NR2F6: variants seen among roughly 807,000 people sequenced by gnomAD.
NR2F6 encodes the protein nuclear receptor subfamily 2 group F member 6.
NR2F6 carries 16 observed loss-of-function variants against 26.5 expected under a neutral mutation model. The ratio of observed to expected loss-of-function variants is 0.60; its 90% confidence interval spans 0.41 to 0.92. The LOEUF is 0.92. Ranked by LOEUF, NR2F6 falls within the 40% of genes least tolerant of loss-of-function variation. The pLI is 0.00. For missense variants in NR2F6, 536 were observed against 631.7 expected (o/e 0.85, Z 1.62); for synonymous variants, 325 against 305.0 (o/e 1.07, Z -0.68).
chr19:17,236,335 G>T (rs954087747), intron 2 of NR2F6, among the ~76,000 whole-genome samples: 1 of 150,874 alleles, frequency 6.6e-6, no homozygotes, highest in African/African-American at 2.4e-5. Context: ...AGAATAACGG[G>T]AAAGGGAGAC....
chr19:17,244,119 G>C (rs893115758), intron 1 of NR2F6: 1 of 152,274 alleles, frequency 6.6e-6, no homozygotes. Flanking sequence ...TGCCAGAGAG[G>C]TCTCCGACCT....
chr19:17,232,695 A>G, intron 3 of NR2F6, 69 bp from the exon 4 acceptor site: 1 of 1,480,214 alleles, frequency 6.8e-7, no homozygotes, highest in Non-Finnish European at 8.9e-7. Flanking sequence ...AGGGGTGACT[A>G]GGGGACACCA....
chr19:17,236,089 GA>G, intron 2 of NR2F6, 24 bp from the exon 3 acceptor site: 4 of 1,073,088 alleles, frequency 3.7e-6, no homozygotes, highest in East Asian at 7.5e-5. Context: ...GGACAGGAGG[GA>G]CATGGGGGCG....
Position 17,232,127 on chromosome 19 carries a change from G to A in NR2F6, c.*225C>T, listed in dbSNP as rs2073410601. 2 of 611,814 alleles carry A rather than the reference G, an allele frequency of 3.3e-6. No individual in the cohort carries two copies. Among genetic ancestry groups the A allele is most frequent in the African/African-American group, 3.7e-5 (2 of 53,712 alleles). The allele number at this position is 611,814 out of a possible 1,614,324, so 37.9% of individuals were successfully genotyped here. On this transcript the variant is annotated 3_prime_UTR_variant, in exon 4 of 4. Coordinates refer to ENST00000291442, the MANE Select transcript of NR2F6 (RefSeq NM_005234.4). The stretch of plus-strand genomic sequence containing the variant: ...GGATTGGACCCTCCATCCTGGACAG[G>A]GGTCCTGGGGAGGATGAGGCTGAGG...
chr19:17,232,550 C>T lies in NR2F6; in HGVS notation c.1017G>A (p.Val339=). 1 of 1,601,782 alleles carries T rather than the reference C, an allele frequency of 6.2e-7. No individual in the cohort carries two copies. Residue 339 remains valine, a synonymous_variant, in exon 4 of 4, where the codon GTG becomes GTA. Transcript: ENST00000291442. ...EKAQVALTEY[V]RAQYPSQPQR... ...GGGGCTGGGACGGGTACTGCGCCCGCACATACTCGGTGAGGGCCACCTGCG... is the reference window on the plus strand; with the variant it reads ...GGGGCTGGGACGGGTACTGCGCCCGTACATACTCGGTGAGGGCCACCTGCG...
At chr19:17,240,475 G>A (rs2073463015) in intron 2 of NR2F6, among the ~76,000 whole-genome samples, 196 bp downstream of exon 2, 1 of 152,200 alleles carries the variant, frequency 6.6e-6, no homozygotes, top group Non-Finnish European at 1.5e-5. Flanking sequence ...CCAGCCTAGG[G>A]CCAGACTGCA....
chr19:17,239,510 C>T (rs2073457862), intron 2 of NR2F6, among the ~76,000 whole-genome samples: 1 of 151,376 alleles, frequency 6.6e-6, no homozygotes, highest in African/African-American at 2.4e-5. Flanking sequence ...CAAAAATATC[C>T]GGGCGAGATG....
chr19:17,240,363 C>T (rs2073462406), intron 2 of NR2F6, among the ~76,000 whole-genome samples: 1 of 152,216 alleles, frequency 6.6e-6, no homozygotes, highest in Admixed American at 6.5e-5. Flanking sequence ...GAAGGCAGCT[C>T]CTGCAAGAGA....
chr19:17,236,861 G>A (rs553588233), intron 2 of NR2F6, among the ~76,000 whole-genome samples: 8 of 152,240 alleles, frequency 5.3e-5, no homozygotes, highest in Non-Finnish European at 8.8e-5. Flanking sequence ...CTTATGAAGC[G>A]GGGAGGCCCT....
At position 17,232,454 on chromosome 19, in the gene NR2F6, C is replaced by T. The variant is rs2073412571; in HGVS notation, c.1113G>A (p.Leu371=). The change falls in exon 4 of 4, where the codon CTG becomes CTA. Residue 371 remains leucine (L), a synonymous_variant. Transcript: ENST00000291442. ...RAVPASLISQ[L]FFMRLVGKTP... ...TCTTCCCCACCAGGCGCATGAAGAA[C>T]AGCTGGGAGATGAGGGAGGCAGGGA... 6.2e-7 allele frequency: 1 copy of T among 1,613,976 alleles called. No homozygotes were observed. Among genetic ancestry groups the T allele is most frequent in the Non-Finnish European group, 8.5e-7 (1 of 1,180,018 alleles).
intron 3 of NR2F6, 134 bp from the exon 4 acceptor site, chr19:17,232,760 C>A: frequency 1.8e-6 from 2 of 1,103,746 alleles, no homozygotes; most frequent in East Asian, 2.6e-5. Context: ...CGGCCACAGT[C>A]CCAGCACTTT....
chr19:17,236,080 G>T lies in NR2F6; in HGVS notation c.374-15C>A. 8.5e-7 allele frequency: 1 copy of T among 1,178,230 alleles called. No homozygotes were observed. The highest frequency in any genetic ancestry group is 1.0e-6 in the Non-Finnish European group (1 of 957,900). 73.0% of individuals were successfully genotyped at this position (1,178,230 alleles called of 1,614,324 possible). ...GCGCTGCACCGCTGCGGGAGGCGGG[G>T]ACAGGAGGGACATGGGGGCGGGAGG... On this transcript the variant is annotated splice_polypyrimidine_tract_variant and intron_variant, in intron 2 of 3. Transcript: ENST00000291442.
chr19:17,238,841 G>T (rs1333597163), intron 2 of NR2F6, among the ~76,000 whole-genome samples: 1 of 152,200 alleles, frequency 6.6e-6, no homozygotes. Context: ...GCCAAGGTGG[G>T]AGGGTCGCTT....
chr19:17,237,423 C>T (rs1186725534), intron 2 of NR2F6, among the ~76,000 whole-genome samples: 3 of 147,438 alleles, frequency 2.0e-5, no homozygotes, highest in African/African-American at 7.4e-5. Flanking sequence ...CTCTCTCTCT[C>T]TCTTTTTGAG....
intron 2 of NR2F6, among the ~76,000 whole-genome samples, chr19:17,237,410 CCT>C (rs751795126): frequency 2.0e-4 from 29 of 147,792 alleles, no homozygotes; most frequent in Admixed American, 2.7e-4. Context: ...TCTCTCTCTC[CCT>C]CTCTCTCTCT....
intron 3 of NR2F6, among the ~76,000 whole-genome samples, chr19:17,233,699 T>C (rs1214093373): frequency 6.6e-6 from 1 of 151,944 alleles, no homozygotes; most frequent in African/African-American, 2.4e-5. Flanking sequence ...TTTTGCTGTG[T>C]TGGCCAGGCT....
At chr19:17,232,710 C>T in intron 3 of NR2F6, 84 bp from the exon 4 acceptor site, 3 of 1,447,954 alleles carry the variant, frequency 2.1e-6, no homozygotes, top group Non-Finnish European at 2.7e-6. Context: ...ACACCACTCG[C>T]CACTGTGGGT....
Position 17,245,687 on chromosome 19 carries a change from G to C in NR2F6, c.-467C>G, listed in dbSNP as rs1197245646. On this transcript the variant is annotated 5_prime_UTR_variant, in exon 1 of 4. Transcript: ENST00000291442. This position sits in a 1 kb window ranked among gnomAD's most constrained non-coding sequence, Gnocchi z 5.0. ...GCAAGTTGCGCGGCCGCCCGTGGCG[G>C]GGGGGGAGGGGCGGCGGGTGCGCGC... 1 of 146,294 alleles carries C rather than the reference G, an allele frequency of 6.8e-6. No individual in the cohort carries two copies. The highest frequency in any genetic ancestry group is 1.5e-5 in the Non-Finnish European group (1 of 65,798). 9.1% of individuals were successfully genotyped at this position (146,294 alleles called of 1,614,324 possible).
intron 2 of NR2F6, among the ~76,000 whole-genome samples, chr19:17,237,511 G>C (rs572662075): frequency 6.6e-6 from 1 of 152,010 alleles, no homozygotes; most frequent in East Asian, 1.9e-4. Flanking sequence ...TCCGGGGTTC[G>C]AGTGATTCTC....
Sources: allele counts gnomAD v4.1 joint callset (sites outside exome capture counted in the v4.1 genomes callset), GRCh38; gene constraint gnomAD v4.1.1; non-coding constraint Gnocchi (gnomAD v3.1); transcripts MANE v1.5; gene names NCBI Gene and HGNC (gene_info 2026-07-23, HGNC 2026-07-21).